The following PRKN variants were observed in gnomAD, a reference collection of about 807,000 sequenced individuals.
PRKN encodes parkin RBR E3 ubiquitin protein ligase.
Under a neutral mutation model 59.5 loss-of-function variants are expected in PRKN, and 56 were observed. The ratio of observed to expected loss-of-function variants is 0.94; its 90% CI spans 0.76 to 1.18. PRKN has a LOEUF of 1.18. PRKN is among the 50% of genes most tolerant of loss of function. The pLI, the probability that PRKN is intolerant of heterozygous loss-of-function variation, is 0.00. For synonymous variants in PRKN, 250 were observed against 222.1 expected (o/e 1.13, Z -1.12); for missense variants, 657 against 596.4 (o/e 1.10, Z -1.06).
intron 3 of PRKN, among the ~76,000 whole-genome samples, chr6:162,225,737 T>C (rs12664568): frequency 0.14 from 21,036 of 151,944 alleles, 1,634 homozygotes; most frequent in South Asian, 0.26. Context: ...AGTAACAAAA[T>C]TGACAGTAGA....
intron 1 of PRKN, among the ~76,000 whole-genome samples, chr6:162,521,779 C>T (rs900421510): frequency 6.6e-6 from 1 of 151,960 alleles, no homozygotes; most frequent in Non-Finnish European, 1.5e-5. Flanking sequence ...GGTTTAAGCA[C>T]AAAATATTAT....
chr6:162,323,130 G>T (rs1285879183), intron 2 of PRKN, among the ~76,000 whole-genome samples: 3 of 150,716 alleles, frequency 2.0e-5, no homozygotes, highest in African/African-American at 7.3e-5. Context: ...TAGATGACGA[G>T]TTAGTGGGTG....
intron 1 of PRKN, among the ~76,000 whole-genome samples, chr6:162,540,525 T>C (rs1340263472): frequency 6.6e-6 from 1 of 152,088 alleles, no homozygotes; most frequent in Non-Finnish European, 1.5e-5. Context: ...GTATATTAAC[T>C]GGCTGGGCGT....
At chr6:161,832,558 T>G (rs572007599) in intron 6 of PRKN, among the ~76,000 whole-genome samples, 4 of 135,524 alleles carry the variant, frequency 3.0e-5, no homozygotes, top group African/African-American at 8.5e-5. Flanking sequence ...CAGGAGGCGG[T>G]GGTTGCAGTG....
intron 1 of PRKN, among the ~76,000 whole-genome samples, chr6:162,588,097 G>A (rs1781141090): frequency 6.7e-6 from 1 of 148,814 alleles, no homozygotes; most frequent in African/African-American, 2.5e-5. Flanking sequence ...TGCAACCTCC[G>A]CTTCCTGGGT....
chr6:162,614,778 A>T (rs1043235929), intron 1 of PRKN, among the ~76,000 whole-genome samples: 1 of 152,276 alleles, frequency 6.6e-6, no homozygotes, highest in South Asian at 2.1e-4. Context: ...GTATTTTTTT[A>T]AAAAAGAAAC....
Position 161,352,755 on chromosome 6 carries a change from G to GTGTGTATATATATATA in PRKN, c.1286-2545_1286-2544insTATATATATATACACA, listed in dbSNP as rs766949960. Among the ~76,000 whole-genome samples, 247 of 134,350 alleles carry GTGTGTATATATATATA rather than the reference G, an allele frequency of 1.8e-3. No individual in the cohort carries two copies. Among genetic ancestry groups the GTGTGTATATATATATA allele is most frequent in the African/African-American group, 6.3e-3 (226 of 35,760 alleles). 88.1% of individuals were successfully genotyped at this position (134,350 alleles called of 152,430 possible). A position where few individuals can be genotyped will look rare whatever the true frequency, so the allele number is the denominator to read the frequency against. On this transcript the variant is annotated intron_variant, in intron 11 of 11. Transcript: ENST00000366898. The surrounding 1 kb of genome is among the most constrained non-coding windows in gnomAD (Gnocchi z 5.8). ...TGTGTGTGTGTGTGTGTGTGTGTGT[G>GTGTGTATATATATATA]TATATATATATATATATTTTATTTT... is the stretch of plus-strand genomic sequence containing the variant.
chr6:161,761,011 AT>A (rs1157174746), intron 7 of PRKN, among the ~76,000 whole-genome samples: 10 of 152,354 alleles, frequency 6.6e-5, no homozygotes, highest in Non-Finnish European at 1.3e-4. Flanking sequence ...TCACTTCAGA[AT>A]GGCAGACTGC....
At chr6:162,648,358 A>G (rs1674152088) in intron 1 of PRKN, among the ~76,000 whole-genome samples, 1 of 150,454 alleles carries the variant, frequency 6.6e-6, no homozygotes. Context: ...AACTCCTCTG[A>G]GGTAATTAAA....
At chr6:162,194,344 T>C (rs1376184559) in intron 4 of PRKN, among the ~76,000 whole-genome samples, 3 of 152,352 alleles carry the variant, frequency 2.0e-5, no homozygotes, top group African/African-American at 7.2e-5. Context: ...TATTATTCCT[T>C]ATATTAGTAA....
intron 9 of PRKN, among the ~76,000 whole-genome samples, chr6:161,523,664 A>G (rs920671407): frequency 3.3e-5 from 5 of 152,218 alleles, no homozygotes; most frequent in African/African-American, 1.2e-4. Flanking sequence ...CATTTACTGT[A>G]TGATGAAAAA....
At chr6:162,656,352 A>G (rs913011323) in intron 1 of PRKN, among the ~76,000 whole-genome samples, 1 of 152,162 alleles carries the variant, frequency 6.6e-6, no homozygotes, top group Non-Finnish European at 1.5e-5. Flanking sequence ...GCCACTACCA[A>G]CTGAATGGAG....
intron 1 of PRKN, among the ~76,000 whole-genome samples, chr6:162,652,200 T>C (rs1281387596): frequency 6.6e-6 from 1 of 152,172 alleles, no homozygotes; most frequent in Non-Finnish European, 1.5e-5. Flanking sequence ...ATATTTAGGG[T>C]CACCTCATAT....
In PRKN at chr6:161,572,173, A is replaced by C. The variant is rs117326811; in HGVS notation, c.872-2757T>G. On this transcript the variant is annotated intron_variant, in intron 7 of 11. Coordinates refer to ENST00000366898, the MANE Select transcript of PRKN (RefSeq NM_004562.3). ...CCTGTTTCTTGGGAGAAGCCTGACT[A>C]ATACACTGAGTTATTTCCAATTCCA... Among the ~76,000 whole-genome samples the C allele has an allele frequency of 2.6e-5, 4 of 152,322 alleles. No homozygotes were observed. The East Asian group carries it at 7.7e-4, about 29-fold the overall frequency.
intron 2 of PRKN, among the ~76,000 whole-genome samples, chr6:162,357,832 T>C (rs1212406393): frequency 1.3e-5 from 2 of 152,198 alleles, no homozygotes. Context: ...TTTCTGGCTC[T>C]AACTAAAAGA....
rs76998746 is a variant in PRKN at position 161,546,265 on chromosome 6, T to C, written c.1083+2589A>G. ...CAATAGTTTTATACAGAGTTGCTCA[T>C]ATATACCCTATTTTAGAGATAAGGA... On this transcript the variant is annotated intron_variant, in intron 9 of 11. Coordinates refer to ENST00000366898, the MANE Select transcript of PRKN (RefSeq NM_004562.3). The surrounding 1 kb of genome is among the most constrained non-coding windows in gnomAD (Gnocchi z 4.4). 0.018 allele frequency among the ~76,000 whole-genome samples: 2,810 copies of C among 152,282 alleles called. 92 individuals are homozygous for C. The highest frequency in any genetic ancestry group is 0.063 in the African/African-American group (2,625 of 41,544).
rs147121590 is a variant in PRKN, at chr6:162,201,143, G to A, written c.522C>T (p.Leu174=). Residue 174 remains leucine (L), a synonymous_variant, in exon 4 of 12, where the codon CTC becomes CTT. Coordinates refer to ENST00000366898, the MANE Select transcript of PRKN (RefSeq NM_004562.3). ...TGCATTTCCTTACCTGGGTCAAGGT[G>A]AGCGTTGCCTGCCTGCAGGTGCTGC... ...VQCSTCRQAT[L]TLTQGPSCWD... The A allele has an allele frequency of 2.0e-3, 3,227 of 1,614,134 alleles. 6 individuals are homozygous for A. Among genetic ancestry groups the A allele is most frequent in the Non-Finnish European group, 2.6e-3 (3,038 of 1,179,994 alleles).
chr6:162,205,039 T>C (rs1220095320), intron 3 of PRKN, among the ~76,000 whole-genome samples: 1 of 151,900 alleles, frequency 6.6e-6, no homozygotes, highest in African/African-American at 2.4e-5. Context: ...ATTTTGGTAT[T>C]TTTAGTAGAG....
intron 1 of PRKN, among the ~76,000 whole-genome samples, chr6:162,692,084 T>C (rs1286569828): frequency 2.0e-5 from 3 of 152,112 alleles, no homozygotes; most frequent in African/African-American, 7.2e-5. Flanking sequence ...TTTTGGTGTT[T>C]TGGACATGAA....
Sources: gnomAD v4.1 joint callset for allele counts (sites outside exome capture counted in the v4.1 genomes callset) on GRCh38, gnomAD v4.1.1 for gene constraint, Gnocchi (gnomAD v3.1) non-coding constraint, MANE v1.5 for transcripts, NCBI Gene and HGNC (gene_info 2026-07-23, HGNC 2026-07-21) for gene names.